PANK2: variants seen among roughly 807,000 people sequenced by gnomAD.
PANK2 encodes pantothenate kinase 2, mitochondrial.
In PANK2, 36 loss-of-function variants were observed where a neutral mutation model predicts 43.1. That is an observed-to-expected ratio of 0.84 (90% CI 0.64 to 1.10). The LOEUF (loss-of-function observed/expected upper bound fraction) is 1.10, where lower values mean the gene tolerates loss of function less well. PANK2 is among the 50% of genes least tolerant of loss of function. The probability of loss-of-function intolerance (pLI) is 0.00; values close to 1 mark genes in which losing one functional copy is unlikely to be tolerated. For missense variants in PANK2, 576 were observed against 593.3 expected, an observed-to-expected ratio of 0.97 and a Z score of 0.30; for synonymous variants, 281 against 238.2, an observed-to-expected ratio of 1.18 and a Z score of -1.66.
intron 6 of PANK2, among the ~76,000 whole-genome samples, chr20:3,923,010 T>A (rs1404612502): frequency 1.3e-5 from 2 of 152,194 alleles, no homozygotes; most frequent in East Asian, 3.9e-4. Context: ...TTGGTTTTCC[T>A]CTTATCACAG....
chr20:3,919,784 T>C (rs1600575210), intron 6 of PANK2, among the ~76,000 whole-genome samples: 4 of 152,376 alleles, frequency 2.6e-5, no homozygotes, highest in Admixed American at 2.0e-4. Context: ...TTTTTCAGAA[T>C]TGTATTGCAT....
rs2090413013 is a variant in PANK2 at position 3,907,955 on chromosome 20, G to T, written c.328G>T (p.Gly110Ter). The change falls in exon 2 of 7, where the codon GGA becomes TGA. Residue 110 changes from glycine (G) to a stop codon, truncating the protein, a stop_gained. Coordinates refer to ENST00000610179, the MANE Select transcript of PANK2 (RefSeq NM_001386393.1). LOFTEE classifies it high-confidence loss of function. ...TCCATGGTTTGGACTGGATATCGGT[G>T]GAACTCTGGTCAAGCTGGTATATTT... 1 of 1,613,992 alleles carries T rather than the reference G, an allele frequency of 6.2e-7. No homozygotes were observed. The highest frequency in any genetic ancestry group is 1.3e-5 in the African/African-American group (1 of 74,876).
At position 3,910,703 on chromosome 20, in the gene PANK2, GAA is replaced by G. The variant is rs2090456005; in HGVS notation, c.781_782del (p.Lys261ValfsTer7). On this transcript the variant is annotated frameshift_variant, in exon 3 of 7. Coordinates refer to ENST00000610179, the MANE Select transcript of PANK2 (RefSeq NM_001386393.1). LOFTEE classifies it high-confidence loss of function. ...TTACTTTGAAAACCCTGCTGATTCT[GAA>G]AAGTGTCAGAAGTTACCATTTGATT... 1 of 1,614,020 alleles carries G rather than the reference GAA, an allele frequency of 6.2e-7. No homozygotes were observed. The highest frequency in any genetic ancestry group is 8.5e-7 in the Non-Finnish European group (1 of 1,180,026).
In PANK2 at chr20:3,901,308, A is replaced by G. The variant is rs558149452; in HGVS notation, c.299-6618A>G. On this transcript the variant is annotated intron_variant, in intron 1 of 6. Coordinates refer to ENST00000610179, the MANE Select transcript of PANK2 (RefSeq NM_001386393.1). Reference sequence around the variant, plus strand: ...AGTGATCCACCCACCTTGGCCTCTCAAAGTGTTGGAATTACAGGCATGAGC... The same window carrying G: ...AGTGATCCACCCACCTTGGCCTCTCGAAGTGTTGGAATTACAGGCATGAGC... Among the ~76,000 whole-genome samples the G allele has an allele frequency of 4.7e-4, 72 of 151,862 alleles. 1 individual carries two copies. In the East Asian group the frequency reaches 0.014, roughly 29 times the overall value.
At position 3,912,670 on chromosome 20, in the gene PANK2, G is replaced by T. The variant is rs780456085; in HGVS notation, c.1082+36G>T. Reference sequence around the variant, plus strand: ...ATGTGTGTTCTAAGAAATACAGGCGGGCCGGGCGCGGTGGCTCATGCCTTT... The same window carrying T: ...ATGTGTGTTCTAAGAAATACAGGCGTGCCGGGCGCGGTGGCTCATGCCTTT... On this transcript the variant is annotated intron_variant, in intron 4 of 6. Coordinates refer to ENST00000610179, the MANE Select transcript of PANK2 (RefSeq NM_001386393.1). The T allele has an allele frequency of 3.1e-6, 5 of 1,609,486 alleles. No individual in the cohort carries two copies. The African/African-American group carries it at 6.7e-5, about 22-fold the overall frequency.
At chr20:3,893,083 T>A (rs1600489380) in intron 1 of PANK2, among the ~76,000 whole-genome samples, 2 of 152,312 alleles carry the variant, frequency 1.3e-5, no homozygotes, top group Non-Finnish European at 2.9e-5. Context: ...ATGCCGAGTA[T>A]TTTATAAGCA....
chr20:3,910,911 T>C (rs2090459188), intron 3 of PANK2, 81 bp downstream of exon 3: 2 of 1,517,002 alleles, frequency 1.3e-6, no homozygotes, highest in East Asian at 2.3e-5. Context: ...AACTACACCT[T>C]CAAGAACCTG....
intron 1 of PANK2, among the ~76,000 whole-genome samples, chr20:3,903,988 A>G (rs1400433130): frequency 6.6e-6 from 1 of 151,490 alleles, no homozygotes; most frequent in African/African-American, 2.4e-5. Context: ...GTACAATATG[A>G]TTTCACCATA....
At position 3,889,604 on chromosome 20, in the gene PANK2, C is replaced by T; in HGVS notation, c.174C>T (p.Ser58=). The T allele has an allele frequency of 1.3e-6, 2 of 1,520,832 alleles. No homozygotes were observed. The highest frequency in any genetic ancestry group is 1.8e-6 in the Non-Finnish European group (2 of 1,142,308). 94.2% of individuals were successfully genotyped at this position (1,520,832 alleles called of 1,614,324 possible). Reference sequence around the variant, plus strand: ...AGGAGCCACTGCGGCGCCGGGCGAGCAGCGCGTCGGTGCCCGCGGTCGGGG... The same window carrying T: ...AGGAGCCACTGCGGCGCCGGGCGAGTAGCGCGTCGGTGCCCGCGGTCGGGG... Residue 58 remains serine (S), a synonymous_variant, in exon 1 of 7, where the codon AGC becomes AGT. Transcript: ENST00000610179.
chr20:3,889,768 C>CCCCCTTCCGGCCCCCCCTGT, intron 1 of PANK2, 40 bp downstream of exon 1: 1 of 1,578,854 alleles, frequency 6.3e-7, no homozygotes, highest in Non-Finnish European at 8.5e-7. Context: ...CCGCCCTGCC[C>CCCCCTTCCGGCCCCCCCTGT]CCCCTTCCGG....
chr20:3,889,274 T>C (rs768291971), upstream of PANK2: 18 of 1,610,948 alleles, frequency 1.1e-5, 1 homozygote, highest in South Asian at 1.7e-4. Context: ...TCAATCCTCC[T>C]CGAGTTAGGG....
chr20:3,922,671 C>T (rs1175290980), intron 6 of PANK2, among the ~76,000 whole-genome samples: 1 of 152,040 alleles, frequency 6.6e-6, no homozygotes, highest in East Asian at 1.9e-4. Context: ...CTCTCCACAC[C>T]TCTTACTCCT....
Position 3,923,357 on chromosome 20 carries a change from TAA to T in PANK2, c.*64_*65del, listed in dbSNP as rs953858390. 9 of 1,527,598 alleles carry T rather than the reference TAA, an allele frequency of 5.9e-6. No homozygotes were observed. The highest frequency in any genetic ancestry group is 8.2e-6 in the Non-Finnish European group (9 of 1,101,494). The allele number at this position is 1,527,598 out of a possible 1,614,324, so 94.6% of individuals were successfully genotyped here. A position where few individuals can be genotyped will look rare whatever the true frequency, so the allele number is the denominator to read the frequency against. On this transcript the variant is annotated 3_prime_UTR_variant, in exon 7 of 7. Transcript: ENST00000610179. ...TGGGATCTGTGGACTTTCATTTTTT[TAA>T]GAGACTTACTCAATTTCATGACTGT...
At chr20:3,902,042 C>G (rs2090310037) in intron 1 of PANK2, among the ~76,000 whole-genome samples, 1 of 151,974 alleles carries the variant, frequency 6.6e-6, no homozygotes, top group Non-Finnish European at 1.5e-5. Context: ...TCTCTGCTGA[C>G]CGATAAACAC....
At chr20:3,898,047 T>C (rs1600504598) in intron 1 of PANK2, among the ~76,000 whole-genome samples, 1 of 152,272 alleles carries the variant, frequency 6.6e-6, no homozygotes, top group Non-Finnish European at 1.5e-5. Context: ...TATTGGATTT[T>C]GTTTTTTGGA....
intron 1 of PANK2, among the ~76,000 whole-genome samples, chr20:3,893,732 G>A (rs1298468118): frequency 6.6e-6 from 1 of 152,012 alleles, no homozygotes; most frequent in Non-Finnish European, 1.5e-5. Context: ...TTTTTTCTTG[G>A]CTTTCCGAGG....
chr20:3,911,561 G>C (rs928903249), intron 3 of PANK2, among the ~76,000 whole-genome samples: 2 of 147,278 alleles, frequency 1.4e-5, no homozygotes, highest in Non-Finnish European at 3.0e-5. Context: ...TCCAGCCTGG[G>C]TGACAGAGTG....
Position 3,889,631 on chromosome 20 carries a change from C to G in PANK2, c.201C>G (p.Ala67=), listed in dbSNP as rs756936934. The G allele has an allele frequency of 6.4e-7, 1 of 1,566,266 alleles. No homozygotes were observed. Among genetic ancestry groups the G allele is most frequent in the Admixed American group, 1.8e-5 (1 of 56,056 alleles). ...GCGCGTCGGTGCCCGCGGTCGGGGC[C>G]TCGGCTGAGGGCACGAGGCGGGATC... The change falls in exon 1 of 7, where the codon GCC becomes GCG. Residue 67 remains alanine, a synonymous_variant. Transcript: ENST00000610179.
rs1042871766 is a variant in PANK2 at position 3,896,757 on chromosome 20, C to T, written c.298+7029C>T. Among the ~76,000 whole-genome samples the T allele has an allele frequency of 3.9e-5, 6 of 152,232 alleles. 1 individual carries two copies. Among genetic ancestry groups the T allele is most frequent in the South Asian group, 2.1e-4 (1 of 4,822 alleles). The stretch of plus-strand genomic sequence containing the variant: ...AGAGGTTCCAGGAGGGTGCAGTGCC[C>T]GAGAGCACAGAAGTTCCGTGTCCCT... On this transcript the variant is annotated intron_variant, in intron 1 of 6. Transcript: ENST00000610179.
Sources: gnomAD v4.1 joint callset for allele counts (sites outside exome capture counted in the v4.1 genomes callset) on GRCh38, gnomAD v4.1.1 for gene constraint, MANE v1.5 for transcripts, NCBI Gene and HGNC (gene_info 2026-07-23, HGNC 2026-07-21) for gene names.